The following PLS1 variants were observed in gnomAD, a reference collection of about 807,000 sequenced individuals.
The protein encoded by PLS1 is plastin 1.
Under a neutral mutation model 73.7 loss-of-function variants are expected in PLS1, and 32 were observed. The observed-to-expected ratio is 0.43, with a 90% confidence interval of 0.33 to 0.58. The LOEUF (loss-of-function observed/expected upper bound fraction) is 0.58. Among genes scored for constraint, PLS1 ranks in the 20% least tolerant of loss-of-function variants. The pLI, the probability that PLS1 is intolerant of heterozygous loss-of-function variation, is 0.04. For missense variants in PLS1, 633 were observed against 740.5 expected, an observed-to-expected ratio of 0.85 and a Z score of 1.68; for synonymous variants, 217 against 261.3, an observed-to-expected ratio of 0.83 and a Z score of 1.63.
rs1560024376 is a variant in PLS1, at chr3:142,600,897, TA to T, written c.-37+4389del. ...GGTTTCATATATATATATATATATA[TA>T]TATATATATATATATATATTTTTTT... On this transcript the variant is annotated intron_variant, in intron 1 of 15. Coordinates refer to ENST00000457734, the MANE Select transcript of PLS1 (RefSeq NM_001145319.2). Among the ~76,000 whole-genome samples the T allele has an allele frequency of 1.6e-3, 49 of 29,792 alleles. 2 individuals carry two copies. The highest frequency in any genetic ancestry group is 7.5e-3 in the African/African-American group (40 of 5,364). 19.5% of individuals were successfully genotyped at this position (29,792 alleles called of 152,430 possible).
intron 11 of PLS1, among the ~76,000 whole-genome samples, chr3:142,696,204 T>G (rs974435024): frequency 1.3e-5 from 2 of 152,240 alleles, no homozygotes; most frequent in African/African-American, 4.8e-5. Context: ...TAAATCGATT[T>G]GTTGATACTC....
intron 1 of PLS1, among the ~76,000 whole-genome samples, chr3:142,611,860 C>T (rs78444123): frequency 2.1e-3 from 323 of 152,170 alleles, no homozygotes; most frequent in African/African-American, 7.3e-3. Flanking sequence ...AATTAAGCCT[C>T]CCTGAAACTG....
intron 4 of PLS1, among the ~76,000 whole-genome samples, chr3:142,674,731 G>GT (rs1025598499): frequency 4.6e-4 from 70 of 151,994 alleles, no homozygotes; most frequent in African/African-American, 1.6e-3. Context: ...TTTTTTCTTC[G>GT]TTTTTTGTTT....
chr3:142,661,530 C>T (rs1435025592), intron 1 of PLS1, among the ~76,000 whole-genome samples: 2 of 152,122 alleles, frequency 1.3e-5, no homozygotes, highest in Non-Finnish European at 2.9e-5. Context: ...ATGAGCCATA[C>T]TCTTAGAGGG....
At chr3:142,705,510 C>T (rs967553123) in intron 14 of PLS1, among the ~76,000 whole-genome samples, 7 of 152,268 alleles carry the variant, frequency 4.6e-5, no homozygotes, top group South Asian at 4.1e-4. Context: ...GCATGCAAGC[C>T]GATGTTAGCT....
At chr3:142,652,283 C>T (rs2037112279) in intron 1 of PLS1, among the ~76,000 whole-genome samples, 1 of 152,352 alleles carries the variant, frequency 6.6e-6, no homozygotes, top group South Asian at 2.1e-4. Context: ...TAGGAAAGTA[C>T]TGGGGACTAA....
chr3:142,663,682 C>T (rs899642698), intron 1 of PLS1, among the ~76,000 whole-genome samples: 5 of 152,148 alleles, frequency 3.3e-5, no homozygotes, highest in Admixed American at 6.5e-5. Flanking sequence ...GCCCCACAGA[C>T]CCTCAGAGAC....
At chr3:142,618,561 G>A (rs1413550553) in intron 1 of PLS1, among the ~76,000 whole-genome samples, 1 of 152,114 alleles carries the variant, frequency 6.6e-6, no homozygotes, top group Non-Finnish European at 1.5e-5. Context: ...TGGGTTGCTG[G>A]CAGAATTCGG....
chr3:142,629,199 AT>A (rs11304758), intron 1 of PLS1, among the ~76,000 whole-genome samples: 79,351 of 145,326 alleles, frequency 0.55, 21,549 homozygotes, highest in African/African-American at 0.64. Flanking sequence ...ATTGGAAATA[AT>A]TTTTTTTTTT....
chr3:142,657,179 C>A (rs532826894), intron 1 of PLS1: 1 of 152,170 alleles, frequency 6.6e-6, no homozygotes, highest in Non-Finnish European at 1.5e-5. Flanking sequence ...AGATTCTCTC[C>A]GGTGAGGTTC....
chr3:142,692,113 T>C (rs1018701091), intron 10 of PLS1, among the ~76,000 whole-genome samples: 5 of 152,162 alleles, frequency 3.3e-5, no homozygotes, highest in African/African-American at 1.2e-4. Context: ...GAATACAGTA[T>C]GTGTTTATTA....
intron 6 of PLS1, among the ~76,000 whole-genome samples, chr3:142,679,983 C>G (rs1329267112): frequency 1.3e-5 from 2 of 151,964 alleles, no homozygotes; most frequent in African/African-American, 4.8e-5. Context: ...TTGAAGAGGT[C>G]CTTCACATCC....
intron 12 of PLS1, among the ~76,000 whole-genome samples, chr3:142,700,432 C>T (rs999511579): frequency 8.5e-5 from 13 of 152,092 alleles, no homozygotes; most frequent in African/African-American, 2.9e-4. Flanking sequence ...ATGCCATTCT[C>T]CTGCCTCAGC....
intron 10 of PLS1, among the ~76,000 whole-genome samples, chr3:142,690,108 T>C (rs921394397): frequency 6.6e-6 from 1 of 152,184 alleles, no homozygotes; most frequent in Admixed American, 6.5e-5. Context: ...ATGAATTATC[T>C]ATTAGAATAA....
At chr3:142,704,434 G>A (rs2038406157) in intron 13 of PLS1, 29 bp from the exon 14 acceptor site, 1 of 1,571,456 alleles carries the variant, frequency 6.4e-7, no homozygotes, top group South Asian at 1.2e-5. Flanking sequence ...ACCCTTTTCA[G>A]TCTCAAATAT....
At chr3:142,627,510 A>G (rs532016260) in intron 1 of PLS1, among the ~76,000 whole-genome samples, 1 of 152,274 alleles carries the variant, frequency 6.6e-6, no homozygotes, top group Admixed American at 6.5e-5. Context: ...TGTCAGACCC[A>G]TGTTTGAAGT....
intron 1 of PLS1, 199 bp from the exon 2 acceptor site, chr3:142,664,003 T>A (rs975211955): frequency 2.8e-5 from 8 of 283,036 alleles, no homozygotes; most frequent in African/African-American, 1.7e-4. Context: ...AGGTGTTTCT[T>A]CCCCTTACTG....
intron 12 of PLS1, among the ~76,000 whole-genome samples, chr3:142,700,509 C>T (rs184033234): frequency 6.6e-6 from 1 of 152,070 alleles, no homozygotes; most frequent in African/African-American, 2.4e-5. Flanking sequence ...ATTTTTAGTA[C>T]AGACGGGGTT....
At chr3:142,628,799 G>GA (rs1389833228) in intron 1 of PLS1, among the ~76,000 whole-genome samples, 2 of 152,116 alleles carry the variant, frequency 1.3e-5, no homozygotes, top group African/African-American at 4.8e-5. Flanking sequence ...ATGACTTAAT[G>GA]AAAAAACCCA....
Sources: allele counts gnomAD v4.1 joint callset (sites outside exome capture counted in the v4.1 genomes callset), GRCh38; gene constraint gnomAD v4.1.1; transcripts MANE v1.5; gene names NCBI Gene and HGNC (gene_info 2026-07-23, HGNC 2026-07-21).